CCDC148: variants seen among roughly 807,000 people sequenced by gnomAD.
CCDC148 encodes coiled-coil domain-containing protein 148.
In CCDC148, 89 loss-of-function variants were observed where a neutral mutation model predicts 85.7. That is an observed-to-expected ratio of 1.04 (90% CI 0.87 to 1.24). The LOEUF is 1.24. Ranked by LOEUF, CCDC148 falls within the 50% of genes most tolerant of loss-of-function variation. The probability of loss-of-function intolerance (pLI) is 0.00; values close to 1 mark genes in which losing one functional copy is unlikely to be tolerated. For missense variants in CCDC148, 692 were observed against 671.7 expected (o/e 1.03, Z -0.33); for synonymous variants, 230 against 213.9 (o/e 1.08, Z -0.66).
chr2:158,396,465 A>T lies in CCDC148; in HGVS notation c.26-37895T>A, dbSNP rs571120696. 2.0e-4 allele frequency among the ~76,000 whole-genome samples: 30 copies of T among 152,150 alleles called. 1 individual carries two copies. The South Asian group carries it at 6.2e-3, about 32-fold the overall frequency. On this transcript the variant is annotated intron_variant, in intron 1 of 13. Coordinates refer to ENST00000283233, the MANE Select transcript of CCDC148 (RefSeq NM_138803.4). ...TCCTAATTCTGGGCCCTGTCCACCAACTTTCACTTCTGAACTGGCTCCTAT... is the reference window on the plus strand; with the variant it reads ...TCCTAATTCTGGGCCCTGTCCACCATCTTTCACTTCTGAACTGGCTCCTAT...
At chr2:158,323,572 A>C (rs1025319868) in intron 7 of CCDC148, among the ~76,000 whole-genome samples, 7 of 152,192 alleles carry the variant, frequency 4.6e-5, no homozygotes, top group African/African-American at 1.7e-4. Context: ...GCATCCTGGC[A>C]TGTGTACATT....
At chr2:158,220,758 G>T in intron 10 of CCDC148, 45 bp from the exon 11 acceptor site, 2 of 1,406,264 alleles carry the variant, frequency 1.4e-6, no homozygotes, top group Non-Finnish European at 1.9e-6. Flanking sequence ...CAACAGATAT[G>T]TAAAAATGAG....
At chr2:158,186,445 G>T (rs936209645) in intron 11 of CCDC148, among the ~76,000 whole-genome samples, 6 of 152,070 alleles carry the variant, frequency 3.9e-5, no homozygotes, top group African/African-American at 1.4e-4. Flanking sequence ...CACATGGATT[G>T]CCTGTCACCC....
intron 1 of CCDC148, among the ~76,000 whole-genome samples, chr2:158,417,519 C>T (rs1686556143): frequency 6.6e-6 from 1 of 152,212 alleles, no homozygotes; most frequent in Non-Finnish European, 1.5e-5. Flanking sequence ...AATAAGCAAA[C>T]TTTGCTTGGG....
chr2:158,427,699 A>G (rs112418205), intron 1 of CCDC148, among the ~76,000 whole-genome samples: 25,288 of 151,938 alleles, frequency 0.17, 2,265 homozygotes, highest in Middle Eastern at 0.21. Context: ...GCGAGACCCC[A>G]TCTCTAAAAA....
intron 11 of CCDC148, among the ~76,000 whole-genome samples, chr2:158,204,380 T>A (rs1327635495): frequency 6.6e-6 from 1 of 152,136 alleles, no homozygotes; most frequent in Non-Finnish European, 1.5e-5. Context: ...GACCAGTGGA[T>A]AAAACAGAAA....
chr2:158,265,746 T>C (rs936559724), intron 9 of CCDC148, among the ~76,000 whole-genome samples: 1 of 152,096 alleles, frequency 6.6e-6, no homozygotes, highest in African/African-American at 2.4e-5. Context: ...CAGATCCAAT[T>C]ATTCAGCTCT....
At chr2:158,418,861 A>C (rs1208646352) in intron 1 of CCDC148, among the ~76,000 whole-genome samples, 1 of 152,190 alleles carries the variant, frequency 6.6e-6, no homozygotes, top group Admixed American at 6.5e-5. Flanking sequence ...TAATGAACAA[A>C]TGAGTGAATC....
chr2:158,172,628 G>T (rs898668275), intron 13 of CCDC148, among the ~76,000 whole-genome samples: 4 of 151,962 alleles, frequency 2.6e-5, no homozygotes, highest in African/African-American at 7.2e-5. Context: ...ATAAATCTAA[G>T]CCACAAAAAA....
chr2:158,265,591 C>T (rs947525140), intron 9 of CCDC148, among the ~76,000 whole-genome samples: 10 of 152,070 alleles, frequency 6.6e-5, no homozygotes, highest in African/African-American at 1.2e-4. Context: ...AGTAGCATGT[C>T]GGAATCAATA....
rs34545779 is a variant in CCDC148, at chr2:158,228,989, G to GAA, written c.1252-8278_1252-8277dup. Among the ~76,000 whole-genome samples, 46 of 147,440 alleles carry GAA rather than the reference G, an allele frequency of 3.1e-4. No individual in the cohort carries two copies. In the East Asian group the frequency reaches 4.4e-3, roughly 14 times the overall value. On this transcript the variant is annotated intron_variant, in intron 10 of 13. Coordinates refer to ENST00000283233, the MANE Select transcript of CCDC148 (RefSeq NM_138803.4). ...AAACAAAAAAAAAAAGAAAATGAAA[G>GAA]AAAAAAAAAGAATTCAGATACTTCA... is the stretch of plus-strand genomic sequence containing the variant.
intron 9 of CCDC148, among the ~76,000 whole-genome samples, chr2:158,251,933 GCTGGGTGA>G (rs1688809490): frequency 6.6e-6 from 1 of 151,704 alleles, no homozygotes; most frequent in African/African-American, 2.4e-5. Flanking sequence ...ACCTTTCTGT[GCTGGGTGA>G]CATTTTTTCA....
chr2:158,368,338 CTG>C (rs957501607), intron 1 of CCDC148, among the ~76,000 whole-genome samples: 1 of 152,076 alleles, frequency 6.6e-6, no homozygotes, highest in Non-Finnish European at 1.5e-5. Flanking sequence ...ATTTATGAAA[CTG>C]TATTAAAACC....
intron 9 of CCDC148, among the ~76,000 whole-genome samples, chr2:158,257,338 G>A (rs900184043): frequency 1.3e-5 from 2 of 151,692 alleles, no homozygotes; most frequent in African/African-American, 4.8e-5. Context: ...GTTACTATAA[G>A]CTTCTAAATT....
intron 9 of CCDC148, among the ~76,000 whole-genome samples, chr2:158,273,723 T>A (rs1689800315): frequency 6.6e-6 from 1 of 152,194 alleles, no homozygotes; most frequent in Admixed American, 6.5e-5. Flanking sequence ...ACTTGCTGAT[T>A]TGATGGACTC....
intron 9 of CCDC148, among the ~76,000 whole-genome samples, chr2:158,279,308 G>T (rs200323404): frequency 1.3e-5 from 2 of 152,148 alleles, no homozygotes; most frequent in Non-Finnish European, 2.9e-5. Flanking sequence ...AGAGAAGAAG[G>T]CTTCAGACGA....
chr2:158,419,814 A>T (rs1686684190), intron 1 of CCDC148: 1 of 152,158 alleles, frequency 6.6e-6, no homozygotes, highest in Non-Finnish European at 1.5e-5. Flanking sequence ...GAAAATATAC[A>T]ATCTATACAG....
At chr2:158,433,261 A>AATATATATATATATATATATATATAT (rs375554012) in intron 1 of CCDC148, among the ~76,000 whole-genome samples, 17 of 122,540 alleles carry the variant, frequency 1.4e-4, no homozygotes, top group Non-Finnish European at 1.6e-4. Flanking sequence ...CCTTGACTCA[A>AATATATATATATATATATATATATAT]ATATATATAT....
At chr2:158,351,530 C>T (rs908139396) in intron 2 of CCDC148, among the ~76,000 whole-genome samples, 3 of 152,110 alleles carry the variant, frequency 2.0e-5, no homozygotes, top group Admixed American at 6.5e-5. Flanking sequence ...GCTTAAAAAC[C>T]GGCGCATCAC....
Sources: gnomAD v4.1 joint callset for allele counts (sites outside exome capture counted in the v4.1 genomes callset) on GRCh38, gnomAD v4.1.1 for gene constraint, MANE v1.5 for transcripts, NCBI Gene and HGNC (gene_info 2026-07-23, HGNC 2026-07-21) for gene names.